WWOX: variants seen among roughly 807,000 people sequenced by gnomAD.
WWOX encodes the protein WW domain containing oxidoreductase.
Under a neutral mutation model 46.2 loss-of-function variants are expected in WWOX, and 69 were observed. The observed-to-expected ratio is 1.49, with a 90% CI of 1.23 to 1.82. The LOEUF (loss-of-function observed/expected upper bound fraction) is 1.82, where lower values mean the gene tolerates loss of function less well. Ranked by LOEUF, WWOX falls within the 40% of genes most tolerant of loss-of-function variation. The pLI is 0.00. For missense variants in WWOX, 919 were observed against 542.6 expected, an observed-to-expected ratio of 1.69 and a Z score of -6.89; for synonymous variants, 359 against 202.6, an observed-to-expected ratio of 1.77 and a Z score of -6.56.
chr16:78,711,057 T>C (rs2048434820), intron 8 of WWOX, among the ~76,000 whole-genome samples: 1 of 152,236 alleles, frequency 6.6e-6, no homozygotes, highest in Non-Finnish European at 1.5e-5. Context: ...ACAGGCATCT[T>C]AGAAAGTGGA....
chr16:78,961,351 G>T (rs940979786), intron 8 of WWOX, among the ~76,000 whole-genome samples: 3 of 152,190 alleles, frequency 2.0e-5, no homozygotes, highest in Non-Finnish European at 4.4e-5. Context: ...TTGGTGTAAG[G>T]AAACTTGGTC....
At chr16:78,633,613 G>C (rs181014448) in intron 8 of WWOX, among the ~76,000 whole-genome samples, 9 of 152,226 alleles carry the variant, frequency 5.9e-5, no homozygotes, top group Admixed American at 5.9e-4. Context: ...CACTACAAAG[G>C]TCTCCTCCTT....
At chr16:78,843,921 A>G (rs2052228999) in intron 8 of WWOX, among the ~76,000 whole-genome samples, 1 of 152,138 alleles carries the variant, frequency 6.6e-6, no homozygotes, top group Non-Finnish European at 1.5e-5. Flanking sequence ...TCGGTTCCTA[A>G]TGGCAGAGCA....
At chr16:78,390,773 A>C in intron 6 of WWOX, among the ~76,000 whole-genome samples, 1 of 152,218 alleles carries the variant, frequency 6.6e-6, no homozygotes, top group South Asian at 2.1e-4. Flanking sequence ...TTCAGACATT[A>C]AAATTTTCTT....
intron 8 of WWOX, among the ~76,000 whole-genome samples, chr16:78,457,572 A>G (rs2083848944): frequency 1.3e-5 from 2 of 151,836 alleles, no homozygotes; most frequent in Admixed American, 1.3e-4. Flanking sequence ...TTTTTATAAG[A>G]CTCTGCATTT....
chr16:78,906,449 G>C (rs757980075), intron 8 of WWOX, among the ~76,000 whole-genome samples: 18 of 152,030 alleles, frequency 1.2e-4, no homozygotes, highest in Non-Finnish European at 2.5e-4. Flanking sequence ...TCTCTTCCCA[G>C]GAGCCCTGTC....
At chr16:79,178,161 C>G (rs887828426) in intron 8 of WWOX, among the ~76,000 whole-genome samples, 2 of 152,138 alleles carry the variant, frequency 1.3e-5, no homozygotes, top group African/African-American at 4.8e-5. Context: ...AGGATGCAAA[C>G]CTTCAGACCA....
chr16:78,869,937 G>A (rs1159484320), intron 8 of WWOX, among the ~76,000 whole-genome samples: 1 of 152,156 alleles, frequency 6.6e-6, no homozygotes, highest in African/African-American at 2.4e-5. Context: ...TGACGTCAGT[G>A]CCTTGGGAGT....
chr16:78,899,509 A>C (rs182275056), intron 8 of WWOX: 1 of 152,138 alleles, frequency 6.6e-6, no homozygotes, highest in Admixed American at 6.5e-5. Context: ...CATAAATGTT[A>C]GTTATTATTT....
chr16:78,518,244 T>C (rs908668043), intron 8 of WWOX, among the ~76,000 whole-genome samples: 4 of 152,164 alleles, frequency 2.6e-5, no homozygotes, highest in African/African-American at 9.7e-5. Context: ...TGTTTGTTTG[T>C]TTTTTGAGAT....
At chr16:78,172,734 G>A (rs1023826213) in intron 5 of WWOX, among the ~76,000 whole-genome samples, 2 of 152,092 alleles carry the variant, frequency 1.3e-5, no homozygotes, top group Non-Finnish European at 2.9e-5. Flanking sequence ...GGCTGGCTCT[G>A]AACCATCACT....
intron 8 of WWOX, among the ~76,000 whole-genome samples, chr16:78,759,162 T>C (rs2049729983): frequency 6.6e-6 from 1 of 152,070 alleles, no homozygotes; most frequent in South Asian, 2.1e-4. Context: ...TTATATGTGG[T>C]GCTTAGTGGT....
At chr16:79,089,324 G>C (rs1240271821) in intron 8 of WWOX, among the ~76,000 whole-genome samples, 1 of 126,850 alleles carries the variant, frequency 7.9e-6, no homozygotes, top group Non-Finnish European at 1.6e-5. Context: ...GAACGTTCAA[G>C]GTGGGGACCT....
At chr16:78,795,322 G>C (rs1469328197) in intron 8 of WWOX, among the ~76,000 whole-genome samples, 1 of 152,116 alleles carries the variant, frequency 6.6e-6, no homozygotes, top group Non-Finnish European at 1.5e-5. Context: ...TTTAAGTCCA[G>C]GCAGTCCAAC....
chr16:78,540,837 C>T (rs1326891504), intron 8 of WWOX, among the ~76,000 whole-genome samples: 1 of 152,116 alleles, frequency 6.6e-6, no homozygotes, highest in South Asian at 2.1e-4. Context: ...GCATGTGTCA[C>T]CATGCCAGGC....
intron 8 of WWOX, among the ~76,000 whole-genome samples, chr16:78,591,354 C>T (rs11859483): frequency 6.6e-6 from 1 of 152,274 alleles, no homozygotes; most frequent in Admixed American, 6.5e-5. Context: ...GCATCTGGGA[C>T]CACCAGGATT....
chr16:78,638,123 A>G (rs1376054043), intron 8 of WWOX, among the ~76,000 whole-genome samples: 1 of 152,140 alleles, frequency 6.6e-6, no homozygotes, highest in Non-Finnish European at 1.5e-5. Flanking sequence ...TAACTGCCCA[A>G]TATCAGGCAC....
chr16:78,678,009 C>T (rs141229416), intron 8 of WWOX, among the ~76,000 whole-genome samples: 25 of 152,250 alleles, frequency 1.6e-4, no homozygotes, highest in African/African-American at 5.3e-4. Context: ...CAAACTCTGC[C>T]GTCCCTGAAT....
chr16:78,648,583 A>T (rs561250013), intron 8 of WWOX, among the ~76,000 whole-genome samples: 108 of 152,198 alleles, frequency 7.1e-4, no homozygotes, highest in Non-Finnish European at 1.4e-3. Context: ...ATTTTTGCTA[A>T]ATTTTGTCCC....
Sources: gnomAD v4.1 joint callset for allele counts (sites outside exome capture counted in the v4.1 genomes callset) on GRCh38, gnomAD v4.1.1 for gene constraint, MANE v1.5 for transcripts, NCBI Gene and HGNC (gene_info 2026-07-23, HGNC 2026-07-21) for gene names.